Variants in CCSER1 observed in about 807,000 individuals in gnomAD.
CCSER1 encodes coiled-coil serine rich protein 1, also known as serine-rich coiled-coil domain-containing protein 1.
CCSER1 carries 41 observed loss-of-function variants against 82.0 expected under a neutral mutation model. The observed-to-expected ratio is 0.50, with a 90% CI of 0.39 to 0.65. CCSER1 has a LOEUF of 0.65. CCSER1 is among the 30% of genes least tolerant of loss of function. The pLI is 0.00. For synonymous variants in CCSER1, 414 were observed against 383.9 expected (o/e 1.08, Z -0.92); for missense variants, 1,119 against 1,064.2 (o/e 1.05, Z -0.72).
Position 91,079,259 on chromosome 4 carries a change from G to A in CCSER1, c.2173-6691G>A, listed in dbSNP as rs777483460. ...AACTCTACACACCAGAAGAGAGTGGGGGTCAATATTCAACATTCTTAAAGA... is the reference window on the plus strand; with the variant it reads ...AACTCTACACACCAGAAGAGAGTGGAGGTCAATATTCAACATTCTTAAAGA... On this transcript the variant is annotated intron_variant, in intron 9 of 10. Coordinates refer to ENST00000509176, the MANE Select transcript of CCSER1 (RefSeq NM_001145065.2). 4.6e-5 allele frequency among the ~76,000 whole-genome samples: 7 copies of A among 152,294 alleles called. No individual in the cohort carries two copies. In the South Asian group the frequency reaches 8.3e-4, roughly 18 times the overall value.
At chr4:91,551,470 C>CTATT (rs1334163461) in intron 10 of CCSER1, among the ~76,000 whole-genome samples, 1 of 152,068 alleles carries the variant, frequency 6.6e-6, no homozygotes, top group Non-Finnish European at 1.5e-5. Flanking sequence ...TTTGATATTT[C>CTATT]TATTAGGGTT....
chr4:91,375,539 A>G (rs547932759), intron 10 of CCSER1, among the ~76,000 whole-genome samples: 2 of 150,420 alleles, frequency 1.3e-5, no homozygotes, highest in South Asian at 4.2e-4. Flanking sequence ...TTTTTTTAAG[A>G]CAACTAAAGC....
intron 3 of CCSER1, among the ~76,000 whole-genome samples, chr4:90,394,151 A>C (rs1225872583): frequency 1.3e-5 from 2 of 148,338 alleles, no homozygotes; most frequent in African/African-American, 5.0e-5. Flanking sequence ...TTCTGCCATT[A>C]GGAACAATGA....
intron 1 of CCSER1, among the ~76,000 whole-genome samples, chr4:90,205,921 A>G (rs918255661): frequency 6.6e-6 from 1 of 151,900 alleles, no homozygotes; most frequent in African/African-American, 2.4e-5. Flanking sequence ...CTGGTTTAGT[A>G]TTGAGAGGGT....
At chr4:91,175,862 C>A (rs1733283121) in intron 10 of CCSER1, among the ~76,000 whole-genome samples, 1 of 152,146 alleles carries the variant, frequency 6.6e-6, no homozygotes, top group Non-Finnish European at 1.5e-5. Flanking sequence ...GCTTTTGTTG[C>A]CATTGCTTTT....
At chr4:90,348,853 G>A (rs1742902275) in intron 3 of CCSER1, among the ~76,000 whole-genome samples, 1 of 152,076 alleles carries the variant, frequency 6.6e-6, no homozygotes, top group South Asian at 2.1e-4. Context: ...AAACGTTGTT[G>A]TGAACCACAT....
chr4:91,270,330 A>G (rs1413959042), intron 10 of CCSER1, among the ~76,000 whole-genome samples: 1 of 152,174 alleles, frequency 6.6e-6, no homozygotes, highest in Non-Finnish European at 1.5e-5. Context: ...CTCTTACTCT[A>G]ACAAGATGGT....
chr4:91,230,882 A>C (rs1738575388), intron 10 of CCSER1, among the ~76,000 whole-genome samples: 1 of 151,894 alleles, frequency 6.6e-6, no homozygotes. Flanking sequence ...AAAACACATA[A>C]ACAATGAAAT....
At chr4:90,137,612 TA>T (rs974564863) in intron 1 of CCSER1, among the ~76,000 whole-genome samples, 1 of 152,158 alleles carries the variant, frequency 6.6e-6, no homozygotes, top group African/African-American at 2.4e-5. Context: ...TGAGATATTT[TA>T]AAAGCTAAGG....
intron 7 of CCSER1, among the ~76,000 whole-genome samples, chr4:90,735,605 C>T (rs912547417): frequency 6.6e-6 from 1 of 152,044 alleles, no homozygotes; most frequent in African/African-American, 2.4e-5. Flanking sequence ...AATTTATTGG[C>T]ACATAGTTGC....
At chr4:90,488,196 T>C (rs1453192490) in intron 5 of CCSER1, among the ~76,000 whole-genome samples, 1 of 152,138 alleles carries the variant, frequency 6.6e-6, no homozygotes, top group East Asian at 1.9e-4. Flanking sequence ...TATTTATTTA[T>C]TTTGAGACGG....
Position 90,728,178 on chromosome 4 carries a change from C to A in CCSER1, c.2010+4187C>A, listed in dbSNP as rs1199322523. On this transcript the variant is annotated intron_variant, in intron 7 of 10. Coordinates refer to ENST00000509176, the MANE Select transcript of CCSER1 (RefSeq NM_001145065.2). ...GAATGCACAATGGCACCACCCTCTC[C>A]AAGGTATGGCCACATTCCCAAGGAA... is the stretch of plus-strand genomic sequence containing the variant. 2.0e-5 allele frequency among the ~76,000 whole-genome samples: 3 copies of A among 152,160 alleles called. No homozygotes were observed. In the East Asian group the frequency reaches 5.8e-4, roughly 29 times the overall value.
At chr4:90,345,151 G>A (rs759277816) in intron 3 of CCSER1, among the ~76,000 whole-genome samples, 1 of 152,072 alleles carries the variant, frequency 6.6e-6, no homozygotes, top group African/African-American at 2.4e-5. Context: ...AAGAATACAC[G>A]TTTGTGTGTA....
chr4:91,076,268 T>C (rs1000137255), intron 9 of CCSER1, among the ~76,000 whole-genome samples: 3 of 152,052 alleles, frequency 2.0e-5, no homozygotes, highest in African/African-American at 7.2e-5. Context: ...TTTTACATTG[T>C]TTATACAGTA....
chr4:91,517,680 A>G (rs994190078), intron 10 of CCSER1, among the ~76,000 whole-genome samples: 1 of 151,878 alleles, frequency 6.6e-6, no homozygotes, highest in Non-Finnish European at 1.5e-5. Context: ...ATTCATTTGG[A>G]AGAAAGAATA....
chr4:91,445,634 CTATT>C lies in CCSER1; in HGVS notation c.2218-152936_2218-152933del, dbSNP rs1253171192. On this transcript the variant is annotated intron_variant, in intron 10 of 10. Transcript: ENST00000509176. ...CCATTTCTTTCACTTTACATCCAAT[CTATT>C]TGTTTTTATCTCTCTATTTATATCC... Among the ~76,000 whole-genome samples the C allele has an allele frequency of 9.9e-5, 15 of 152,182 alleles. No individual in the cohort carries two copies. In the East Asian group the frequency reaches 2.7e-3, roughly 27 times the overall value.
chr4:91,103,745 A>G (rs1288085951), intron 10 of CCSER1, among the ~76,000 whole-genome samples: 1 of 152,200 alleles, frequency 6.6e-6, no homozygotes, highest in Non-Finnish European at 1.5e-5. Context: ...AATTGATTGT[A>G]AAACGTGTGT....
chr4:90,315,377 A>G (rs185559587), intron 3 of CCSER1, among the ~76,000 whole-genome samples: 1 of 152,358 alleles, frequency 6.6e-6, no homozygotes, highest in Admixed American at 6.5e-5. Flanking sequence ...TACTGAAATA[A>G]ATACTGAAAC....
At chr4:90,440,427 C>A (rs377380847) in intron 4 of CCSER1, among the ~76,000 whole-genome samples, 35 of 152,224 alleles carry the variant, frequency 2.3e-4, no homozygotes, top group East Asian at 1.5e-3. Flanking sequence ...ACATGAGAAA[C>A]GTATGCCATA....
Sources: gnomAD v4.1 joint callset for allele counts (sites outside exome capture counted in the v4.1 genomes callset) on GRCh38, gnomAD v4.1.1 for gene constraint, MANE v1.5 for transcripts, NCBI Gene and HGNC (gene_info 2026-07-23, HGNC 2026-07-21) for gene names.